Variants in DMRT2 observed in about 807,000 individuals in gnomAD.
The protein encoded by DMRT2 is doublesex and mab-3 related transcription factor 2.
Under a neutral mutation model 43.5 loss-of-function variants are expected in DMRT2, and 33 were observed. The ratio of observed to expected loss-of-function variants is 0.76; its 90% CI spans 0.58 to 1.01. DMRT2 has a LOEUF of 1.01. Among genes scored for constraint, DMRT2 ranks in the 50% least tolerant of loss-of-function variants. The pLI, the probability that DMRT2 is intolerant of heterozygous loss-of-function variation, is 0.00. For synonymous variants in DMRT2, 395 were observed against 309.2 expected (o/e 1.28, Z -2.91); for missense variants, 1,064 against 748.0 (o/e 1.42, Z -4.93).
In DMRT2 at chr9:1,056,220, T is replaced by TCGCC; in HGVS notation, c.635_638dup (p.Ile214ProfsTer19). ...TGCAATCTTTGCTTCTTGTAGGCTA[T>TCGCC]CGCCCCATTCCAGCGGAGACTTATG... On this transcript the variant is annotated frameshift_variant, in exon 4 of 4. Transcript: ENST00000358146. LOFTEE classifies it high-confidence loss of function. 1.2e-6 allele frequency: 2 copies of TCGCC among 1,604,362 alleles called. No homozygotes were observed. The highest frequency in any genetic ancestry group is 1.7e-6 in the Non-Finnish European group (2 of 1,176,734).
chr9:1,057,519 C>A lies in DMRT2; in HGVS notation c.*246C>A. The A allele has an allele frequency of 2.4e-6, 1 of 419,016 alleles. No homozygotes were observed. The highest frequency in any genetic ancestry group is 3.9e-5 in the East Asian group (1 of 25,818). 26.0% of individuals were successfully genotyped at this position (419,016 alleles called of 1,614,324 possible). ...ACACTTTACACAGCATTTCAAAAAGCAATAAAATTGACACTGTCTTCTCAA... is the reference window on the plus strand; with the variant it reads ...ACACTTTACACAGCATTTCAAAAAGAAATAAAATTGACACTGTCTTCTCAA... On this transcript the variant is annotated 3_prime_UTR_variant, in exon 4 of 4. Coordinates refer to ENST00000358146, the MANE Select transcript of DMRT2 (RefSeq NM_181872.6).
Position 1,052,158 on chromosome 9 carries a change from G to A in DMRT2, c.525+20G>A, listed in dbSNP as rs1055424683. ...ACCGAGGTGCGTACCCGCCCGGCCC[G>A]GGCGTCTCAGGCCACAGTGGAGGTG... is the stretch of plus-strand genomic sequence containing the variant. On this transcript the variant is annotated intron_variant, in intron 2 of 3. Coordinates refer to ENST00000358146, the MANE Select transcript of DMRT2 (RefSeq NM_181872.6). The A allele has an allele frequency of 8.1e-6, 11 of 1,360,478 alleles. No individual in the cohort carries two copies. Among genetic ancestry groups the A allele is most frequent in the African/African-American group, 3.1e-5 (2 of 65,212 alleles). 84.3% of individuals were successfully genotyped at this position (1,360,478 alleles called of 1,614,324 possible). A position where few individuals can be genotyped will look rare whatever the true frequency, so the allele number is the denominator to read the frequency against.
At chr9:1,053,639 A>G (rs544795101) in intron 2 of DMRT2, 83 bp from the exon 3 acceptor site, 35 of 1,176,748 alleles carry the variant, frequency 3.0e-5, no homozygotes, top group Middle Eastern at 2.3e-4. Flanking sequence ...AGTTTCTAGA[A>G]GATTTACGGA....
At position 1,050,760 on chromosome 9, in the gene DMRT2, G is replaced by C. The variant is rs192009713; in HGVS notation, c.-60G>C. 5.5e-4 allele frequency: 84 copies of C among 152,398 alleles called. No homozygotes were observed. The highest frequency in any genetic ancestry group is 1.9e-3 in the African/African-American group (80 of 41,562). 9.4% of individuals were successfully genotyped at this position (152,398 alleles called of 1,614,324 possible). On this transcript the variant is annotated 5_prime_UTR_variant, in exon 1 of 4. Coordinates refer to ENST00000358146, the MANE Select transcript of DMRT2 (RefSeq NM_181872.6). ...TATCTTTTAACTGGGCTACCAGCCC[G>C]GGCCTCAAAGTTTTGGTGAGTGCTG...
intron 3 of DMRT2, 64 bp downstream of exon 3, chr9:1,053,888 C>A: frequency 7.3e-7 from 1 of 1,372,252 alleles, no homozygotes. Context: ...TTAATCAGCA[C>A]AAAGTGTGTT....
At position 1,051,373 on chromosome 9, in the gene DMRT2, C is replaced by A. The variant is rs1821560465; in HGVS notation, c.-44-197C>A. On this transcript the variant is annotated intron_variant, in intron 1 of 3. Transcript: ENST00000358146. This position sits in a 1 kb window ranked among gnomAD's most constrained non-coding sequence, Gnocchi z 5.9. ...AGCACTTAGAATTAATAAAATAAAA[C>A]CTTTGTTGGGTTGTGGATCCCTGGG... Among the ~76,000 whole-genome samples, 1 of 152,126 alleles carries A rather than the reference C, an allele frequency of 6.6e-6. No homozygotes were observed. Among genetic ancestry groups the A allele is most frequent in the Non-Finnish European group, 1.5e-5 (1 of 68,016 alleles).
chr9:1,053,693 A>T, intron 2 of DMRT2, 29 bp from the exon 3 acceptor site: 1 of 1,590,268 alleles, frequency 6.3e-7, no homozygotes, highest in Non-Finnish European at 8.6e-7. Flanking sequence ...CTTTCAGGGC[A>T]TTATTGATGA....
In DMRT2 at chr9:1,053,719, C is replaced by T; in HGVS notation, c.526-3C>T. On this transcript the variant is annotated splice_polypyrimidine_tract_variant and splice_region_variant and intron_variant, in intron 2 of 3. Coordinates refer to ENST00000358146, the MANE Select transcript of DMRT2 (RefSeq NM_181872.6). ...TTATTGATGATGTTTCTTGTGTTTA[C>T]AGGACAAGAAGGGGCTTTCCGGGAA... 2.5e-6 allele frequency: 4 copies of T among 1,610,820 alleles called. No homozygotes were observed. The highest frequency in any genetic ancestry group is 3.4e-6 in the Non-Finnish European group (4 of 1,178,158).
rs1054759732 is a variant in DMRT2 at position 1,051,862 on chromosome 9, A to G, written c.249A>G (p.Gly83=). Residue 83 remains glycine, a synonymous_variant, in exon 2 of 4, where the codon GGA becomes GGG. Coordinates refer to ENST00000358146, the MANE Select transcript of DMRT2 (RefSeq NM_181872.6). The surrounding 1 kb of genome is among the most constrained non-coding windows in gnomAD (Gnocchi z 5.9). ...GMPGQPEQRG[G]PQPRPPLAPQ... Reference sequence around the variant, plus strand: ...CCGGCCAGCCGGAGCAGCGGGGGGGACCGCAGCCGAGGCCGCCGCTCGCGC... The same window carrying G: ...CCGGCCAGCCGGAGCAGCGGGGGGGGCCGCAGCCGAGGCCGCCGCTCGCGC... The G allele has an allele frequency of 7.2e-7, 1 of 1,388,026 alleles. No individual in the cohort carries two copies. Among genetic ancestry groups the G allele is most frequent in the East Asian group, 3.0e-5 (1 of 32,904 alleles). The allele number at this position is 1,388,026 out of a possible 1,614,324, so 86.0% of individuals were successfully genotyped here.
Position 1,051,333 on chromosome 9 carries a change from G to T in DMRT2, c.-44-237G>T, listed in dbSNP as rs926531463. Among the ~76,000 whole-genome samples, 5 of 152,188 alleles carry T rather than the reference G, an allele frequency of 3.3e-5. No homozygotes were observed. Among genetic ancestry groups the T allele is most frequent in the African/African-American group, 1.2e-4 (5 of 41,442 alleles). On this transcript the variant is annotated intron_variant, in intron 1 of 3. Transcript: ENST00000358146. This position sits in a 1 kb window ranked among gnomAD's most constrained non-coding sequence, Gnocchi z 5.9. Reference sequence around the variant, plus strand: ...AAGCCAGAGAGGGCCACGGTTAAAGGTCAGGTACTCACAGAGCACTTAGAA... The same window carrying T: ...AAGCCAGAGAGGGCCACGGTTAAAGTTCAGGTACTCACAGAGCACTTAGAA...
At chr9:1,053,630 G>T in intron 2 of DMRT2, 92 bp from the exon 3 acceptor site, 1 of 1,105,052 alleles carries the variant, frequency 9.0e-7, no homozygotes, top group Non-Finnish European at 1.3e-6. Flanking sequence ...AAGGGGGAGA[G>T]TTTCTAGAAG....
intron 2 of DMRT2, among the ~76,000 whole-genome samples, chr9:1,052,540 A>G (rs1354580069): frequency 6.6e-6 from 1 of 151,966 alleles, no homozygotes; most frequent in East Asian, 1.9e-4. Flanking sequence ...TGTACTGGTG[A>G]TGATGGAGAA....
Position 1,051,881 on chromosome 9 carries a change from C to G in DMRT2, c.268C>G (p.Leu90Val). The stretch of plus-strand genomic sequence containing the variant: ...GGGGGGACCGCAGCCGAGGCCGCCG[C>G]TCGCGCCTCAGGCCTCACCCGCCGG... ...QRGGPQPRPP[L>V]APQASPAGTG... is the part of the protein sequence containing the mutation. The change falls in exon 2 of 4, where the codon CTC becomes GTC. Residue 90 changes from leucine to valine, a missense_variant. Leu to Val is a conservative substitution (Grantham distance 32). Coordinates refer to ENST00000358146, the MANE Select transcript of DMRT2 (RefSeq NM_181872.6). This position sits in a 1 kb window ranked among gnomAD's most constrained non-coding sequence, Gnocchi z 5.9. The G allele has an allele frequency of 7.2e-7, 1 of 1,380,452 alleles. No individual in the cohort carries two copies. The highest frequency in any genetic ancestry group is 1.5e-5 in the African/African-American group (1 of 65,172). 85.5% of individuals were successfully genotyped at this position (1,380,452 alleles called of 1,614,324 possible).
In DMRT2 at chr9:1,057,102, G is replaced by A. The variant is rs758436447; in HGVS notation, c.1515G>A (p.Glu505=). 1 of 1,614,160 alleles carries A rather than the reference G, an allele frequency of 6.2e-7. No individual in the cohort carries two copies. The highest frequency in any genetic ancestry group is 8.5e-7 in the Non-Finnish European group (1 of 1,180,046). Residue 505 remains glutamate (E), a synonymous_variant, in exon 4 of 4, where the codon GAG becomes GAA. Coordinates refer to ENST00000358146, the MANE Select transcript of DMRT2 (RefSeq NM_181872.6). The part of the protein sequence containing the change: ...AFEETPKKHR[E]CLVKDNQKYT... ...AAGAGACCCCTAAGAAACACAGAGA[G>A]TGTTTAGTTAAGGACAACCAGAAGT...
In DMRT2 at chr9:1,051,906, G is replaced by C; in HGVS notation, c.293G>C (p.Gly98Ala). The C allele has an allele frequency of 2.2e-6, 3 of 1,362,164 alleles. No homozygotes were observed. The highest frequency in any genetic ancestry group is 2.8e-6 in the Non-Finnish European group (3 of 1,067,920). The allele number at this position is 1,362,164 out of a possible 1,614,324, so 84.4% of individuals were successfully genotyped here. Residue 98 changes from glycine (G) to alanine (A), a missense_variant, in exon 2 of 4, where the codon GGC (glycine) becomes GCC (alanine). By Grantham distance (60) the Gly-to-Ala change is moderately conservative. Transcript: ENST00000358146. The surrounding 1 kb of genome is among the most constrained non-coding windows in gnomAD (Gnocchi z 5.9). ...CTCGCGCCTCAGGCCTCACCCGCCGGCACCGGTCCCCGAGAGCGCTGCACT... is the reference window on the plus strand; with the variant it reads ...CTCGCGCCTCAGGCCTCACCCGCCGCCACCGGTCCCCGAGAGCGCTGCACT... ...PPLAPQASPA[G>A]TGPRERCTPA...
rs1821595009 is a variant in DMRT2, at chr9:1,051,723, C to T, written c.110C>T (p.Pro37Leu). 1.3e-6 allele frequency: 2 copies of T among 1,538,804 alleles called. No homozygotes were observed. The highest frequency in any genetic ancestry group is 1.2e-5 in the South Asian group (1 of 84,184). The change falls in exon 2 of 4, where the codon CCC (proline) becomes CTC (leucine). Residue 37 changes from proline to leucine, a missense_variant. Physicochemically the swap from Pro to Leu is moderately conservative, Grantham distance 98 (BLOSUM62 -3). Coordinates refer to ENST00000358146, the MANE Select transcript of DMRT2 (RefSeq NM_181872.6). The surrounding 1 kb of genome is among the most constrained non-coding windows in gnomAD (Gnocchi z 5.9). ...GCGCCGCGGTCCACGCCCCCCGGGC[C>T]CAGCCCGCCGCCGGCGGACGGGGAC... ...CGAPRSTPPG[P>L]SPPPADGDCE...
intron 3 of DMRT2, among the ~76,000 whole-genome samples, chr9:1,055,103 A>G (rs1485077466): frequency 3.9e-5 from 6 of 152,278 alleles, no homozygotes; most frequent in Non-Finnish European, 8.8e-5. Context: ...GATTATGCAA[A>G]GCAACTTGTG....
intron 3 of DMRT2, chr9:1,055,990 G>A (rs1291400796): frequency 2.1e-6 from 3 of 1,410,694 alleles, no homozygotes; most frequent in Non-Finnish European, 2.8e-6. Context: ...CAAGCAACAA[G>A]AACAAGAACA....
In DMRT2 at chr9:1,057,149, G is replaced by A. The variant is rs1337469927; in HGVS notation, c.1562G>A (p.Cys521Tyr). 3.1e-6 allele frequency: 5 copies of A among 1,614,078 alleles called. No individual in the cohort carries two copies. The highest frequency in any genetic ancestry group is 1.7e-5 in the Admixed American group (1 of 60,016). ...AAGTACACATTTACAATAGATAGAT[G>A]TGCAAAAGACCTTTTTGTAGCCAAA... ...NQKYTFTIDR[C>Y]AKDLFVAKQV... The change falls in exon 4 of 4, where the codon TGT becomes TAT. Residue 521 changes from cysteine to tyrosine, a missense_variant. Physicochemically the swap from Cys to Tyr is radical, Grantham distance 194. Transcript: ENST00000358146.
Sources: allele counts gnomAD v4.1 joint callset (sites outside exome capture counted in the v4.1 genomes callset), GRCh38; gene constraint gnomAD v4.1.1; non-coding constraint Gnocchi (gnomAD v3.1); transcripts MANE v1.5; gene names NCBI Gene and HGNC (gene_info 2026-07-23, HGNC 2026-07-21).